Variants in TDRD9 observed in about 807,000 individuals in gnomAD.
The protein encoded by TDRD9 is tudor domain containing 9.
In TDRD9, 124 loss-of-function variants were observed where a neutral mutation model predicts 172.6. The observed-to-expected ratio is 0.72, with a 90% CI of 0.62 to 0.83. TDRD9 has a LOEUF of 0.83. Among genes scored for constraint, TDRD9 ranks in the 40% least tolerant of loss-of-function variants. The pLI is 0.00. For missense variants in TDRD9, 1,479 were observed against 1,714.1 expected, an observed-to-expected ratio of 0.86 and a Z score of 2.42; for synonymous variants, 619 against 617.1, an observed-to-expected ratio of 1.00 and a Z score of -0.05.
intron 31 of TDRD9, 135 bp downstream of exon 31, chr14:104,034,204 T>TTTTG: frequency 3.6e-6 from 2 of 551,920 alleles, no homozygotes; most frequent in Non-Finnish European, 6.3e-6. Flanking sequence ...TTTTTTTTTT[T>TTTTG]TTTTGAGACA....
intron 3 of TDRD9, 78 bp downstream of exon 3, chr14:103,963,254 A>G (rs749254278): frequency 2.8e-6 from 3 of 1,082,922 alleles, no homozygotes; most frequent in Non-Finnish European, 4.0e-6. Flanking sequence ...TTCTAATTTG[A>G]AAGTTACCAG....
chr14:104,007,325 A>C (rs2034473294), intron 19 of TDRD9, 121 bp downstream of exon 19: 1 of 888,690 alleles, frequency 1.1e-6, no homozygotes, highest in South Asian at 1.6e-5. Context: ...AGTCGAGGTC[A>C]CTGTCAGTGC....
intron 8 of TDRD9, 86 bp downstream of exon 8, chr14:103,986,406 A>T: frequency 1.0e-6 from 1 of 970,344 alleles, no homozygotes; most frequent in South Asian, 1.6e-5. Context: ...GTGTTTTTAT[A>T]AGAAGGTATA....
At chr14:104,046,669 A>G (rs1291270082) in intron 34 of TDRD9, among the ~76,000 whole-genome samples, 1 of 151,230 alleles carries the variant, frequency 6.6e-6, no homozygotes, top group East Asian at 1.9e-4. Context: ...TTTTTGAGAC[A>G]GAGTCTTGCT....
intron 1 of TDRD9, among the ~76,000 whole-genome samples, chr14:103,936,259 A>T (rs1287591487): frequency 1.3e-5 from 2 of 152,194 alleles, no homozygotes; most frequent in African/African-American, 4.8e-5. Context: ...CTGACAAATT[A>T]AAAAAATGTT....
chr14:104,005,493 A>G (rs1173166423), intron 15 of TDRD9, 88 bp downstream of exon 15: 4 of 1,409,120 alleles, frequency 2.8e-6, no homozygotes, highest in Non-Finnish European at 3.0e-6. Context: ...CTTTCCCACT[A>G]ACTCTGATCC....
chr14:104,040,441 C>T, intron 33 of TDRD9, 107 bp downstream of exon 33: 1 of 1,203,224 alleles, frequency 8.3e-7, no homozygotes, highest in Non-Finnish European at 1.1e-6. Context: ...CAGACACACA[C>T]CTCTGGTCCT....
At chr14:103,946,120 C>T (rs2031546297) in intron 1 of TDRD9, among the ~76,000 whole-genome samples, 2 of 151,912 alleles carry the variant, frequency 1.3e-5, no homozygotes, top group Admixed American at 6.6e-5. Flanking sequence ...CACGTGCCAC[C>T]ATGCCTGACT....
chr14:103,991,181 C>T lies in TDRD9; in HGVS notation c.1137C>T (p.Ala379=), dbSNP rs779152292. ...ACAGGAACAAGGCTTGGTCGGGGGC[C>T]CAGTTTGTGTTGGAGCGAAGCAGTG... The part of the protein sequence containing the change: ...KESGNKAWSG[A]QFVLERSSVL... Residue 379 remains alanine (A), a synonymous_variant, in exon 9 of 36, where the codon GCC becomes GCT. Transcript: ENST00000409874. 24 of 1,613,732 alleles carry T rather than the reference C, an allele frequency of 1.5e-5. No individual in the cohort carries two copies. Among genetic ancestry groups the T allele is most frequent in the Non-Finnish European group, 1.9e-5 (23 of 1,179,876 alleles).
chr14:103,987,776 A>G (rs1295000498), intron 8 of TDRD9, among the ~76,000 whole-genome samples: 2 of 152,194 alleles, frequency 1.3e-5, no homozygotes, highest in Non-Finnish European at 1.5e-5. Flanking sequence ...TTGACTTACC[A>G]TATTGTTCAG....
intron 1 of TDRD9, among the ~76,000 whole-genome samples, chr14:103,946,963 C>T (rs947519345): frequency 3.3e-5 from 5 of 152,172 alleles, no homozygotes; most frequent in Non-Finnish European, 7.3e-5. Context: ...CAGTACTACA[C>T]GATGTGATCT....
At chr14:104,009,726 CT>C (rs536995395) in intron 20 of TDRD9, among the ~76,000 whole-genome samples, 2 of 151,928 alleles carry the variant, frequency 1.3e-5, no homozygotes, top group South Asian at 4.2e-4. Flanking sequence ...AAAATATTTT[CT>C]TTCTTTATAT....
At chr14:103,966,682 C>G in intron 4 of TDRD9, 27 bp from the exon 5 acceptor site, 1 of 1,481,516 alleles carries the variant, frequency 6.7e-7, no homozygotes, top group Non-Finnish European at 9.0e-7. Context: ...CTCTTTTTTC[C>G]TTTCCTTTTT....
intron 1 of TDRD9, among the ~76,000 whole-genome samples, chr14:103,949,205 C>T (rs2031731158): frequency 6.6e-6 from 1 of 152,156 alleles, no homozygotes; most frequent in African/African-American, 2.4e-5. Context: ...TCATTTCTAG[C>T]AGAGGCTAAG....
At chr14:103,940,582 A>G in intron 1 of TDRD9, 2 of 425,470 alleles carry the variant, frequency 4.7e-6, no homozygotes, top group East Asian at 3.6e-5. Context: ...TACTGCAAAC[A>G]TTTTTTCAAA....
intron 32 of TDRD9, among the ~76,000 whole-genome samples, chr14:104,039,384 C>T (rs1044905348): frequency 1.6e-4 from 24 of 152,190 alleles, no homozygotes; most frequent in South Asian, 8.3e-4. Flanking sequence ...AGCCACACAG[C>T]GTGAGTTTTA....
intron 1 of TDRD9, among the ~76,000 whole-genome samples, chr14:103,951,013 A>C (rs2031846514): frequency 1.3e-5 from 2 of 152,232 alleles, no homozygotes; most frequent in South Asian, 4.1e-4. Flanking sequence ...TGTACTACTA[A>C]TTTTTCCCTT....
In TDRD9 at chr14:104,027,989, A is replaced by G. The variant is rs1378145727; in HGVS notation, c.3282+1050A>G. Among the ~76,000 whole-genome samples, 4 of 152,070 alleles carry G rather than the reference A, an allele frequency of 2.6e-5. 1 individual carries two copies. The highest frequency in any genetic ancestry group is 4.1e-4 in the South Asian group (2 of 4,828). ...CCTGACTTATTTTACTTAACATACC[A>G]TCCTCCAGGCTCATCCACGTTGCCA... On this transcript the variant is annotated intron_variant, in intron 28 of 35. Transcript: ENST00000409874.
At chr14:103,943,492 T>C (rs996318900) in intron 1 of TDRD9, among the ~76,000 whole-genome samples, 2 of 150,168 alleles carry the variant, frequency 1.3e-5, no homozygotes, top group African/African-American at 4.9e-5. Flanking sequence ...AATACACACA[T>C]ATATACACAC....
Sources: allele counts gnomAD v4.1 joint callset (sites outside exome capture counted in the v4.1 genomes callset), GRCh38; gene constraint gnomAD v4.1.1; transcripts MANE v1.5; gene names NCBI Gene and HGNC (gene_info 2026-07-23, HGNC 2026-07-21).